SNX8: variants seen among roughly 807,000 people sequenced by gnomAD.
SNX8 encodes sorting nexin 8.
A neutral mutation model predicts 51.6 loss-of-function variants in SNX8; 25 were observed. The observed-to-expected ratio is 0.48, with a 90% CI of 0.35 to 0.68. The LOEUF is 0.68. SNX8 is among the 30% of genes least tolerant of loss of function. The pLI is 0.00. For missense variants in SNX8, 695 were observed against 624.0 expected (o/e 1.11, Z -1.21); for synonymous variants, 324 against 277.0 (o/e 1.17, Z -1.68).
At position 2,271,804 on chromosome 7, in the gene SNX8, C is replaced by G. The variant is rs914852558; in HGVS notation, c.540+46G>C. 3.2e-6 allele frequency: 5 copies of G among 1,561,262 alleles called. No individual in the cohort carries two copies. The East Asian group carries it at 9.4e-5, about 29-fold the overall frequency. On this transcript the variant is annotated intron_variant, in intron 4 of 10. Coordinates refer to ENST00000222990, the MANE Select transcript of SNX8 (RefSeq NM_013321.4). ...AGAGGAAAAGGCGGGTCCGGAGGCT[C>G]GGGGACTCCCCGGGGCCGGGACATG... is the stretch of plus-strand genomic sequence containing the variant.
At chr7:2,312,471 C>T (rs1796677068) in intron 1 of SNX8, among the ~76,000 whole-genome samples, 1 of 152,182 alleles carries the variant, frequency 6.6e-6, no homozygotes, top group African/African-American at 2.4e-5. Flanking sequence ...CATGTGACTT[C>T]ATGGACACAA....
chr7:2,345,732 G>A (rs892909480), intron 1 of SNX8, among the ~76,000 whole-genome samples: 8 of 151,514 alleles, frequency 5.3e-5, no homozygotes, highest in Non-Finnish European at 7.4e-5. Flanking sequence ...TTTTATTTGC[G>A]TCAACATTCT....
intron 5 of SNX8, among the ~76,000 whole-genome samples, chr7:2,268,342 C>G (rs1407689775): frequency 6.9e-6 from 1 of 144,930 alleles, no homozygotes; most frequent in Admixed American, 6.8e-5. Flanking sequence ...CCCCTCCGCC[C>G]GGCAGCTGCC....
chr7:2,329,342 T>C (rs1778687760), intron 1 of SNX8, among the ~76,000 whole-genome samples: 1 of 152,004 alleles, frequency 6.6e-6, no homozygotes. Flanking sequence ...AGGTAATGCC[T>C]AATGCTTGGG....
chr7:2,337,761 T>G (rs1778855767), intron 1 of SNX8, among the ~76,000 whole-genome samples: 1 of 147,630 alleles, frequency 6.8e-6, no homozygotes, highest in Non-Finnish European at 1.5e-5. Flanking sequence ...ACCCCTTTAT[T>G]ACATTAAAAA....
chr7:2,278,038 A>T (rs1299347140), intron 2 of SNX8, 62 bp downstream of exon 2: 4 of 1,569,562 alleles, frequency 2.5e-6, no homozygotes, highest in East Asian at 2.3e-5. Flanking sequence ...CTGCCCTGAG[A>T]TGTTGAGACG....
rs183739478 is a variant in SNX8, at chr7:2,253,598, C to T, written c.*1458G>A. On this transcript the variant is annotated 3_prime_UTR_variant, in exon 11 of 11. Coordinates refer to ENST00000222990, the MANE Select transcript of SNX8 (RefSeq NM_013321.4). ...CAGAAGGAAGCAGCCCACCTCACAGCAGGAAGGCAGCAGCAGAACCCACAG... is the reference window on the plus strand; with the variant it reads ...CAGAAGGAAGCAGCCCACCTCACAGTAGGAAGGCAGCAGCAGAACCCACAG... 5.0e-4 allele frequency: 77 copies of T among 152,924 alleles called. No homozygotes were observed. Among genetic ancestry groups the T allele is most frequent in the African/African-American group, 1.8e-3 (74 of 41,598 alleles). The allele number at this position is 152,924 out of a possible 1,614,324, so 9.5% of individuals were successfully genotyped here. A position where few individuals can be genotyped will look rare whatever the true frequency, so the allele number is the denominator to read the frequency against.
At chr7:2,317,252 T>C (rs1485970703), upstream of SNX8, among the ~76,000 whole-genome samples, 8 of 7,682 alleles carry the variant, frequency 1.0e-3, no homozygotes, top group African/African-American at 3.5e-3. Flanking sequence ...CTGGACCTTC[T>C]TTTTTTTTTT....
chr7:2,290,237 G>A (rs1026953905), intron 1 of SNX8, among the ~76,000 whole-genome samples: 3 of 152,002 alleles, frequency 2.0e-5, no homozygotes, highest in Non-Finnish European at 2.9e-5. Flanking sequence ...GCAATGGCTC[G>A]TACCTGTAAT....
intron 1 of SNX8, among the ~76,000 whole-genome samples, chr7:2,335,319 C>G (rs1158078199): frequency 2.6e-5 from 4 of 152,118 alleles, no homozygotes. Context: ...TAAAAAGGGG[C>G]AAACTACAGA....
intron 1 of SNX8, chr7:2,337,081 G>A (rs375595136): frequency 1.3e-5 from 2 of 152,074 alleles, no homozygotes; most frequent in South Asian, 2.1e-4. Flanking sequence ...TTTTGCCAGT[G>A]ACAGAAATGT....
In SNX8 at chr7:2,260,024, AAGAG is replaced by A. The variant is rs528342764; in HGVS notation, c.916-2225_916-2222del. On this transcript the variant is annotated intron_variant, in intron 7 of 10. Transcript: ENST00000222990. ...GAAAAAAGAAAGAGAGAGAGAAAGA[AAGAG>A]AGAGAGAGGAAGGAAGGAAGGTAGG... Among the ~76,000 whole-genome samples, 129 of 152,074 alleles carry A rather than the reference AAGAG, an allele frequency of 8.5e-4. 1 individual carries two copies. Among genetic ancestry groups the A allele is most frequent in the Middle Eastern group, 6.8e-3 (2 of 294 alleles).
chr7:2,303,889 C>A (rs1796477424), intron 1 of SNX8, among the ~76,000 whole-genome samples: 1 of 151,638 alleles, frequency 6.6e-6, no homozygotes, highest in South Asian at 2.1e-4. Context: ...GACCTTCCCT[C>A]CACTATTGTC....
At chr7:2,262,104 C>T (rs1795350663) in intron 7 of SNX8, among the ~76,000 whole-genome samples, 1 of 152,240 alleles carries the variant, frequency 6.6e-6, no homozygotes, top group African/African-American at 2.4e-5. Flanking sequence ...GTGGCACCAT[C>T]ATGGCTCACT....
chr7:2,256,235 G>A (rs902985371), intron 10 of SNX8, among the ~76,000 whole-genome samples: 1 of 152,322 alleles, frequency 6.6e-6, no homozygotes, highest in Middle Eastern at 3.4e-3. Flanking sequence ...CGGCACCCAC[G>A]GCACCAAGCA....
At chr7:2,328,280 C>G (rs1778664028) in intron 1 of SNX8, among the ~76,000 whole-genome samples, 1 of 151,814 alleles carries the variant, frequency 6.6e-6, no homozygotes, top group Non-Finnish European at 1.5e-5. Flanking sequence ...TAGTCTCAAA[C>G]TCCTGACTTC....
At chr7:2,284,414 T>C in intron 1 of SNX8, among the ~76,000 whole-genome samples, 1 of 145,592 alleles carries the variant, frequency 6.9e-6, no homozygotes, top group South Asian at 2.2e-4. Flanking sequence ...TTTTTTTTTT[T>C]TTTTTGAGAC....
In SNX8 at chr7:2,323,353, CCAAA is replaced by C. The variant is rs796746638; in HGVS notation, c.-66+30865_-66+30868del. Among the ~76,000 whole-genome samples the C allele has an allele frequency of 5.3e-3, 737 of 140,130 alleles. 8 individuals are homozygous for C. Among genetic ancestry groups the C allele is most frequent in the African/African-American group, 0.016 (606 of 38,938 alleles). 91.9% of individuals were successfully genotyped at this position (140,130 alleles called of 152,430 possible). ...TCAAAAAAAAAAAAAAAAAAAACAACCAAACAAACAAAAAAACTAATAATGGGTA... is the reference window on the plus strand; with the variant it reads ...TCAAAAAAAAAAAAAAAAAAAACAACCAAACAAAAAAACTAATAATGGGTA... On this transcript the variant is annotated intron_variant, in intron 1 of 5. Coordinates refer to the SNX8 transcript ENST00000435336.
chr7:2,288,555 T>A (rs1472789058), intron 1 of SNX8: 2 of 165,886 alleles, frequency 1.2e-5, no homozygotes, highest in Non-Finnish European at 2.9e-5. Flanking sequence ...TGGGTACCGT[T>A]TCCAGGCAGG....
Sources: gnomAD v4.1 joint callset for allele counts (sites outside exome capture counted in the v4.1 genomes callset) on GRCh38, gnomAD v4.1.1 for gene constraint, MANE v1.5 for transcripts, NCBI Gene and HGNC (gene_info 2026-07-23, HGNC 2026-07-21) for gene names.